Variants in DNAJC5B observed in about 807,000 individuals in gnomAD.
DNAJC5B encodes DnaJ heat shock protein family (Hsp40) member C5 beta.
A neutral mutation model predicts 24.7 loss-of-function variants in DNAJC5B; 23 were observed. That is an observed-to-expected ratio of 0.93 (90% confidence interval 0.67 to 1.32). DNAJC5B has a LOEUF of 1.32. DNAJC5B is among the 40% of genes most tolerant of loss of function. DNAJC5B has a pLI of 0.00. For missense variants in DNAJC5B, 238 were observed against 240.8 expected (o/e 0.99, Z 0.08); for synonymous variants, 101 against 90.1 (o/e 1.12, Z -0.68).
chr8:66,081,053 G>A (rs1200507977), intron 5 of DNAJC5B, among the ~76,000 whole-genome samples: 1 of 152,162 alleles, frequency 6.6e-6, no homozygotes, highest in Non-Finnish European at 1.5e-5. Context: ...TTCTTTACCT[G>A]AAATATAGCT....
At chr8:66,089,629 A>G (rs1488213473) in intron 5 of DNAJC5B, among the ~76,000 whole-genome samples, 3 of 152,168 alleles carry the variant, frequency 2.0e-5, no homozygotes, top group Non-Finnish European at 4.4e-5. Flanking sequence ...AGTCTAAGAT[A>G]CCTTTTGATG....
chr8:66,064,141 C>T lies in DNAJC5B; in HGVS notation c.119+12475C>T, dbSNP rs375517381. On this transcript the variant is annotated intron_variant, in intron 3 of 5. Coordinates refer to ENST00000276570, the MANE Select transcript of DNAJC5B (RefSeq NM_033105.6). ...GGAAATTGTCAGTGAGACTGCCAGT[C>T]TAGAAAAATAGGTCCTATTAGGTTT... Among the ~76,000 whole-genome samples the T allele has an allele frequency of 2.0e-5, 3 of 152,008 alleles. No individual in the cohort carries two copies. The East Asian group carries it at 5.8e-4, about 29-fold the overall frequency.
chr8:66,071,467 T>C (rs1045850093), intron 3 of DNAJC5B, among the ~76,000 whole-genome samples: 1 of 152,186 alleles, frequency 6.6e-6, no homozygotes, highest in Non-Finnish European at 1.5e-5. Context: ...TCATCACTGG[T>C]CATTAGAGAA....
Position 66,051,640 on chromosome 8 carries a change from A to G in DNAJC5B, c.93A>G (p.Ser31=), listed in dbSNP as rs554599668. The G allele has an allele frequency of 1.2e-6, 2 of 1,612,554 alleles. No homozygotes were observed. The highest frequency in any genetic ancestry group is 2.2e-5 in the South Asian group (2 of 90,576). Residue 31 remains serine (S), a synonymous_variant, in exon 3 of 6, where the codon TCA becomes TCG. Coordinates refer to ENST00000276570, the MANE Select transcript of DNAJC5B (RefSeq NM_033105.6). ...YEILGLHKGA[S]NEEIKKTYRK... ...TTCTTGGTCTGCATAAGGGAGCATC[A>G]AATGAAGAAATTAAGAAAACCTACA...
chr8:66,059,200 T>C (rs781003835), intron 3 of DNAJC5B, among the ~76,000 whole-genome samples: 1 of 152,260 alleles, frequency 6.6e-6, no homozygotes, highest in Non-Finnish European at 1.5e-5. Flanking sequence ...TCCAATTTTA[T>C]CATTGCTAGA....
At chr8:66,064,097 A>T (rs1807138998) in intron 3 of DNAJC5B, among the ~76,000 whole-genome samples, 1 of 152,208 alleles carries the variant, frequency 6.6e-6, no homozygotes, top group Non-Finnish European at 1.5e-5. Context: ...TGAACACAAG[A>T]TTCAGCCTGT....
At chr8:66,077,440 C>T (rs1390628018) in intron 4 of DNAJC5B, among the ~76,000 whole-genome samples, 1 of 152,118 alleles carries the variant, frequency 6.6e-6, no homozygotes, top group Non-Finnish European at 1.5e-5. Context: ...AAGAAAAGGG[C>T]GACATTTTTA....
chr8:66,022,202 C>T (rs895980641), intron 1 of DNAJC5B, among the ~76,000 whole-genome samples: 1 of 152,182 alleles, frequency 6.6e-6, no homozygotes, highest in Non-Finnish European at 1.5e-5. Context: ...CCCCCCACCC[C>T]GCCCCCAGCA....
intron 4 of DNAJC5B, among the ~76,000 whole-genome samples, chr8:66,079,859 G>T (rs903652145): frequency 6.6e-6 from 1 of 152,190 alleles, no homozygotes; most frequent in Non-Finnish European, 1.5e-5. Context: ...CCAGGATAGA[G>T]GCATGAGGGA....
At chr8:66,038,336 T>C (rs1806533419) in intron 1 of DNAJC5B, among the ~76,000 whole-genome samples, 1 of 152,238 alleles carries the variant, frequency 6.6e-6, no homozygotes, top group Non-Finnish European at 1.5e-5. Flanking sequence ...AGGGAATCTT[T>C]AGCATTTCTT....
At chr8:66,084,439 G>T (rs1807675191) in intron 5 of DNAJC5B, among the ~76,000 whole-genome samples, 1 of 152,088 alleles carries the variant, frequency 6.6e-6, no homozygotes, top group Non-Finnish European at 1.5e-5. Flanking sequence ...ATGGCAAACT[G>T]TTTATCACTT....
intron 3 of DNAJC5B, among the ~76,000 whole-genome samples, chr8:66,071,468 C>T (rs1287598598): frequency 6.6e-6 from 1 of 152,148 alleles, no homozygotes; most frequent in Non-Finnish European, 1.5e-5. Context: ...CATCACTGGT[C>T]ATTAGAGAAA....
At chr8:66,087,944 C>A (rs1807764465) in intron 5 of DNAJC5B, among the ~76,000 whole-genome samples, 1 of 152,150 alleles carries the variant, frequency 6.6e-6, no homozygotes, top group Non-Finnish European at 1.5e-5. Context: ...AGGATGGTAG[C>A]CTTCTTCTCA....
intron 5 of DNAJC5B, among the ~76,000 whole-genome samples, chr8:66,088,930 C>T (rs1807787490): frequency 6.6e-6 from 1 of 152,208 alleles, no homozygotes; most frequent in Admixed American, 6.5e-5. Context: ...ACTGTTCCAA[C>T]CTCTGACTGT....
At chr8:66,037,463 G>A (rs531215452) in intron 1 of DNAJC5B, among the ~76,000 whole-genome samples, 1 of 152,266 alleles carries the variant, frequency 6.6e-6, no homozygotes, top group South Asian at 2.1e-4. Flanking sequence ...CCTTGCCAGA[G>A]GTGGGCAGCA....
intron 5 of DNAJC5B, among the ~76,000 whole-genome samples, chr8:66,081,337 A>G (rs1005318200): frequency 6.6e-6 from 1 of 152,108 alleles, no homozygotes; most frequent in Non-Finnish European, 1.5e-5. Flanking sequence ...TACAGCCAAG[A>G]TCCTCCTGTC....
chr8:66,082,654 A>G (rs941580015), intron 5 of DNAJC5B, among the ~76,000 whole-genome samples: 1 of 152,196 alleles, frequency 6.6e-6, no homozygotes, highest in Non-Finnish European at 1.5e-5. Flanking sequence ...AACCAAAAGG[A>G]AAAGCTTTAT....
rs149152381 is a variant in DNAJC5B, at chr8:66,092,861, G to C, written c.506-7076G>C. On this transcript the variant is annotated intron_variant, in intron 5 of 5. Coordinates refer to ENST00000276570, the MANE Select transcript of DNAJC5B (RefSeq NM_033105.6). ...TTAGATTCGTGGGTACATGTGCAGG[G>C]TTGTTACATGGGTATATTGTGTGAC... Among the ~76,000 whole-genome samples the C allele has an allele frequency of 4.0e-3, 613 of 152,106 alleles. 7 individuals carry two copies. The highest frequency in any genetic ancestry group is 0.014 in the African/African-American group (583 of 41,482).
chr8:66,031,682 C>A (rs1336578615), intron 1 of DNAJC5B, among the ~76,000 whole-genome samples: 3 of 152,138 alleles, frequency 2.0e-5, no homozygotes, highest in Admixed American at 6.5e-5. Context: ...CAGAAAAAAA[C>A]CAATGTCCCA....
Sources: gnomAD v4.1 joint callset for allele counts (sites outside exome capture counted in the v4.1 genomes callset) on GRCh38, gnomAD v4.1.1 for gene constraint, MANE v1.5 for transcripts, NCBI Gene and HGNC (gene_info 2026-07-23, HGNC 2026-07-21) for gene names.